The following STRN3 variants were observed in gnomAD, a reference collection of about 807,000 sequenced individuals.
STRN3 encodes the protein striatin-3.
Under a neutral mutation model 95.6 loss-of-function variants are expected in STRN3, and 29 were observed. The observed-to-expected ratio is 0.30, with a 90% CI of 0.23 to 0.41. The LOEUF is 0.41. Among genes scored for constraint, STRN3 ranks in the 10% least tolerant of loss-of-function variants. The probability of loss-of-function intolerance (pLI) is 1.00; values close to 1 mark genes in which losing one functional copy is unlikely to be tolerated. For synonymous variants in STRN3, 331 were observed against 357.6 expected, an observed-to-expected ratio of 0.93 and a Z score of 0.84; for missense variants, 890 against 972.1, an observed-to-expected ratio of 0.92 and a Z score of 1.12.
chr14:30,990,166 CTT>C (rs34799735), intron 1 of STRN3, among the ~76,000 whole-genome samples: 10 of 142,898 alleles, frequency 7.0e-5, no homozygotes, highest in Non-Finnish European at 1.1e-4. Flanking sequence ...GGCACTATGA[CTT>C]TTTTTTTTTT....
At chr14:30,903,061 C>G (rs1449382080) in intron 15 of STRN3, among the ~76,000 whole-genome samples, 1 of 151,870 alleles carries the variant, frequency 6.6e-6, no homozygotes, top group Admixed American at 6.6e-5. Flanking sequence ...AACAAAAAAA[C>G]AAAGAACTGG....
At chr14:30,990,961 C>T (rs977855986) in intron 1 of STRN3, among the ~76,000 whole-genome samples, 1 of 152,016 alleles carries the variant, frequency 6.6e-6, no homozygotes, top group African/African-American at 2.4e-5. Flanking sequence ...GGATGTGGAA[C>T]CCACAGATAC....
intron 15 of STRN3, among the ~76,000 whole-genome samples, chr14:30,904,336 G>C (rs1367140719): frequency 2.6e-5 from 4 of 152,088 alleles, no homozygotes; most frequent in African/African-American, 7.2e-5. Flanking sequence ...CAAAGGATCT[G>C]AACAGCAATA....
chr14:31,018,804 A>G (rs528708713), intron 1 of STRN3: 2 of 448,784 alleles, frequency 4.5e-6, no homozygotes, highest in African/African-American at 2.0e-5. Context: ...TTCAGAACTC[A>G]GTAACTTCAA....
At chr14:30,976,622 A>G (rs1044366870) in intron 1 of STRN3, among the ~76,000 whole-genome samples, 2 of 152,270 alleles carry the variant, frequency 1.3e-5, no homozygotes, top group African/African-American at 4.8e-5. Context: ...ATTTTGGACC[A>G]TAAAACCCAT....
intron 7 of STRN3, 64 bp downstream of exon 7, chr14:30,935,099 T>C: frequency 6.3e-7 from 1 of 1,574,972 alleles, no homozygotes; most frequent in Non-Finnish European, 8.6e-7. Context: ...ACATATAATA[T>C]TTAATAATAA....
At chr14:30,991,164 G>A (rs1433226892) in intron 1 of STRN3, among the ~76,000 whole-genome samples, 2 of 152,154 alleles carry the variant, frequency 1.3e-5, no homozygotes, top group African/African-American at 4.8e-5. Context: ...TTGGTTTGAA[G>A]TTCCTACTAT....
chr14:30,981,596 A>C (rs898377799), intron 1 of STRN3, among the ~76,000 whole-genome samples: 1 of 151,814 alleles, frequency 6.6e-6, no homozygotes, highest in African/African-American at 2.4e-5. Flanking sequence ...ACACACACAC[A>C]CACACACACA....
intron 4 of STRN3, among the ~76,000 whole-genome samples, chr14:30,947,968 T>C (rs1454033329): frequency 6.6e-6 from 1 of 152,166 alleles, no homozygotes; most frequent in Non-Finnish European, 1.5e-5. Flanking sequence ...TAAATACTGC[T>C]GGCAGAAGAA....
At chr14:30,896,118 G>A (rs1896141198) in intron 16 of STRN3, among the ~76,000 whole-genome samples, 1 of 152,116 alleles carries the variant, frequency 6.6e-6, no homozygotes, top group East Asian at 1.9e-4. Context: ...CATACAATAC[G>A]TGGCTTTTTG....
chr14:30,941,634 T>G (rs1879098311), intron 5 of STRN3, among the ~76,000 whole-genome samples: 1 of 149,872 alleles, frequency 6.7e-6, no homozygotes, highest in Non-Finnish European at 1.5e-5. Flanking sequence ...TAAACTTTTT[T>G]TTTCCCCCCA....
At chr14:30,906,787 C>G in intron 14 of STRN3, 90 bp downstream of exon 14, 1 of 1,278,546 alleles carries the variant, frequency 7.8e-7, no homozygotes, top group East Asian at 2.5e-5. Flanking sequence ...CTCTTTGGAA[C>G]AGTAAAGAAA....
At chr14:31,025,464 C>T (rs1883777403) in intron 1 of STRN3, 1 of 166,000 alleles carries the variant, frequency 6.0e-6, no homozygotes, top group Non-Finnish European at 1.3e-5. Flanking sequence ...GGGGGGTGGT[C>T]CGGAAAAGGG....
intron 1 of STRN3, among the ~76,000 whole-genome samples, chr14:31,010,779 C>T (rs1307026453): frequency 3.3e-5 from 5 of 152,224 alleles, no homozygotes; most frequent in Non-Finnish European, 7.3e-5. Flanking sequence ...TGGCTTATGC[C>T]TGTAATTCCA....
intron 10 of STRN3, among the ~76,000 whole-genome samples, chr14:30,912,489 T>C (rs979747627): frequency 6.6e-6 from 1 of 152,174 alleles, no homozygotes; most frequent in Admixed American, 6.5e-5. Context: ...ATAACTACCA[T>C]TGCTGCAATA....
intron 7 of STRN3, 56 bp downstream of exon 7, chr14:30,935,107 T>C (rs969906456): frequency 1.3e-6 from 2 of 1,592,570 alleles, no homozygotes; most frequent in Non-Finnish European, 1.7e-6. Context: ...TATTTAATAA[T>C]AACCCATCAT....
intron 1 of STRN3, among the ~76,000 whole-genome samples, chr14:30,976,830 C>G (rs1278597950): frequency 6.6e-6 from 1 of 152,222 alleles, no homozygotes; most frequent in East Asian, 1.9e-4. Flanking sequence ...TGGCTCACAC[C>G]TGTAATACTA....
intron 1 of STRN3, among the ~76,000 whole-genome samples, chr14:31,009,026 G>C (rs1179763096): frequency 1.3e-5 from 2 of 151,710 alleles, no homozygotes; most frequent in Admixed American, 1.3e-4. Flanking sequence ...GAAACAGAAA[G>C]AGACCCTCTC....
At chr14:30,998,423 C>T (rs557611202) in intron 1 of STRN3, among the ~76,000 whole-genome samples, 1 of 152,288 alleles carries the variant, frequency 6.6e-6, no homozygotes, top group South Asian at 2.1e-4. Context: ...TTCCTGAGAA[C>T]CTAGAAGGCC....
Sources: gnomAD v4.1 joint callset for allele counts (sites outside exome capture counted in the v4.1 genomes callset) on GRCh38, gnomAD v4.1.1 for gene constraint, MANE v1.5 for transcripts, NCBI Gene and HGNC (gene_info 2026-07-23, HGNC 2026-07-21) for gene names.